Variants in KLHL36 observed in about 807,000 individuals in gnomAD.
The protein encoded by KLHL36 is kelch-like protein 36.
In KLHL36, 35 loss-of-function variants were observed where a neutral mutation model predicts 53.3. The ratio of observed to expected loss-of-function variants is 0.66; its 90% CI spans 0.50 to 0.87. The LOEUF (loss-of-function observed/expected upper bound fraction) is 0.87, where lower values mean the gene tolerates loss of function less well. KLHL36 is among the 40% of genes least tolerant of loss of function. The probability of loss-of-function intolerance (pLI) is 0.00; values close to 1 mark genes in which losing one functional copy is unlikely to be tolerated. For missense variants in KLHL36, 864 were observed against 897.6 expected (o/e 0.96, Z 0.48); for synonymous variants, 472 against 398.9 (o/e 1.18, Z -2.18).
chr16:84,655,260 G>C lies in KLHL36; in HGVS notation c.64-1611G>C, dbSNP rs574582645. Among the ~76,000 whole-genome samples, 3 of 152,332 alleles carry C rather than the reference G, an allele frequency of 2.0e-5. No individual in the cohort carries two copies. The East Asian group carries it at 5.8e-4, about 29-fold the overall frequency. On this transcript the variant is annotated intron_variant, in intron 2 of 4. Transcript: ENST00000564996. Reference sequence around the variant, plus strand: ...ATTGACTGGATGTGGAAATACCACAGGGAAATAAAGTGTCTCAATGACAAA... The same window carrying C: ...ATTGACTGGATGTGGAAATACCACACGGAAATAAAGTGTCTCAATGACAAA...
At position 84,657,248 on chromosome 16, in the gene KLHL36, C is replaced by G; in HGVS notation, c.441C>G (p.Asn147Lys). 1 of 1,614,202 alleles carries G rather than the reference C, an allele frequency of 6.2e-7. No individual in the cohort carries two copies. The highest frequency in any genetic ancestry group is 8.5e-7 in the Non-Finnish European group (1 of 1,180,044). ...TGGAGCAGGAGGTGAGCGAGGACAA[C>G]TACCTGTACCTGCAGGAGCTGGCCT... ...EYLEQEVSED[N>K]YLYLQELASI... The change falls in exon 3 of 5, where the codon AAC becomes AAG. Residue 147 changes from asparagine (N) to lysine (K), a missense_variant. Coordinates refer to ENST00000564996, the MANE Select transcript of KLHL36 (RefSeq NM_024731.4).
intron 2 of KLHL36, among the ~76,000 whole-genome samples, chr16:84,654,063 G>A (rs1328486127): frequency 6.6e-6 from 1 of 152,116 alleles, no homozygotes; most frequent in Non-Finnish European, 1.5e-5. Flanking sequence ...GTTCACTGGG[G>A]CTTTCCCCAG....
At chr16:84,652,551 G>T (rs923981736) in intron 2 of KLHL36, among the ~76,000 whole-genome samples, 2 of 152,128 alleles carry the variant, frequency 1.3e-5, no homozygotes, top group African/African-American at 4.8e-5. Context: ...TTACAGGCGC[G>T]AGCCACCATG....
rs766175860 is a variant in KLHL36, at chr16:84,656,886, G to A, written c.79G>A (p.Asp27Asn). Residue 27 changes from aspartate to asparagine, a missense_variant, in exon 3 of 5, where the codon GAC becomes AAC. Asp to Asn is a conservative substitution (Grantham distance 23). Transcript: ENST00000564996. ...CTCTGTCCAGGTATACCGCTGGGCC[G>A]ACCACTCAAGCACGGTGCTGCAGCG... Reference protein sequence around the residue: ...SESSKVYRWADHSSTVLQRLN... With the variant: ...SESSKVYRWANHSSTVLQRLN... The A allele has an allele frequency of 1.1e-5, 18 of 1,608,336 alleles. No homozygotes were observed. The highest frequency in any genetic ancestry group is 2.2e-5 in the East Asian group (1 of 44,774).
rs1232612976 is a variant in KLHL36 at position 84,650,840 on chromosome 16, T to C, written c.-16-12T>C. 2 of 1,601,656 alleles carry C rather than the reference T, an allele frequency of 1.2e-6. No homozygotes were observed. Among genetic ancestry groups the C allele is most frequent in the Non-Finnish European group, 8.5e-7 (1 of 1,170,440 alleles). ...TATGACTGCATGCTCAGAAATCCTG[T>C]TCTTCTCCTAGGGCTGAAATCTCTT... On this transcript the variant is annotated splice_polypyrimidine_tract_variant and intron_variant, in intron 1 of 4. Transcript: ENST00000564996.
In KLHL36 at chr16:84,654,759, C is replaced by CG. The variant is rs566744253; in HGVS notation, c.64-2111dup. Reference sequence around the variant, plus strand: ...CTGAGTAGCTAGGATGACAGGCGCCCGCCACCACAACCAGCTAATTTTGTA... The same window carrying CG: ...CTGAGTAGCTAGGATGACAGGCGCCCGGCCACCACAACCAGCTAATTTTGTA... On this transcript the variant is annotated intron_variant, in intron 2 of 4. Transcript: ENST00000564996. Among the ~76,000 whole-genome samples the CG allele has an allele frequency of 5.9e-4, 90 of 152,238 alleles. 2 individuals carry two copies. The East Asian group carries it at 0.013, about 22-fold the overall frequency.
At position 84,657,483 on chromosome 16, in the gene KLHL36, G is replaced by C. The variant is rs775688335; in HGVS notation, c.676G>C (p.Ala226Pro). ...GCTGACGCAGCAGCCCGAGCGCGAG[G>C]CCCACGCCCGCCAGGTGCTGGAGAA... The part of the protein sequence containing the change: ...QWLTQQPERE[A>P]HARQVLENIH... Residue 226 changes from alanine to proline, a missense_variant, in exon 3 of 5, where the codon GCC becomes CCC. Coordinates refer to ENST00000564996, the MANE Select transcript of KLHL36 (RefSeq NM_024731.4). The C allele has an allele frequency of 2.1e-5, 34 of 1,607,456 alleles. No individual in the cohort carries two copies. Among genetic ancestry groups the C allele is most frequent in the Non-Finnish European group, 2.7e-5 (32 of 1,179,848 alleles).
chr16:84,653,233 G>A (rs147672393), intron 2 of KLHL36, among the ~76,000 whole-genome samples: 135 of 151,960 alleles, frequency 8.9e-4, no homozygotes, highest in African/African-American at 2.9e-3. Flanking sequence ...AAAAAGTGTT[G>A]TTCCTTTTTG....
chr16:84,661,723 A>G lies in KLHL36; in HGVS notation c.1441A>G (p.Thr481Ala). 1 of 1,613,104 alleles carries G rather than the reference A, an allele frequency of 6.2e-7. No homozygotes were observed. Among genetic ancestry groups the G allele is most frequent in the Non-Finnish European group, 8.5e-7 (1 of 1,179,872 alleles). ...GTGGGAGGAGCGGCGGCCCATGACC[A>G]CGGCGCGCGGCTGGCACAGCATGTG... Reference protein sequence around the residue: ...DVWEERRPMTTARGWHSMCSL... With the variant: ...DVWEERRPMTAARGWHSMCSL... Residue 481 changes from threonine (T) to alanine (A), a missense_variant, in exon 5 of 5, where the codon ACG becomes GCG. Physicochemically the swap from Thr to Ala is moderately conservative, Grantham distance 58. Transcript: ENST00000564996. This position sits in a 1 kb window ranked among gnomAD's most constrained non-coding sequence, Gnocchi z 7.9.
In KLHL36 at chr16:84,659,846, C is replaced by A. The variant is rs755384030; in HGVS notation, c.1224C>A (p.Asn408Lys). The change falls in exon 4 of 5, where the codon AAC becomes AAA. Residue 408 changes from asparagine (N) to lysine (K), a missense_variant. Coordinates refer to ENST00000564996, the MANE Select transcript of KLHL36 (RefSeq NM_024731.4). ...MLVAIGGRNE[N>K]GALSSVETYS... ...TGGCCATCGGCGGCCGGAATGAGAA[C>A]GGAGCGCTCTCTTCAGTAGAGACGT... 1.6e-5 allele frequency: 26 copies of A among 1,614,110 alleles called. No individual in the cohort carries two copies. Among genetic ancestry groups the A allele is most frequent in the Non-Finnish European group, 2.2e-5 (26 of 1,180,006 alleles).
rs750194993 is a variant in KLHL36 at position 84,657,825 on chromosome 16, G to C, written c.1018G>C (p.Val340Leu). Residue 340 changes from valine to leucine, a missense_variant, in exon 3 of 5, where the codon GTC becomes CTC. Physicochemically the swap from Val to Leu is conservative, Grantham distance 32 (BLOSUM62 1). Coordinates refer to ENST00000564996, the MANE Select transcript of KLHL36 (RefSeq NM_024731.4). ...PLPARRSHHC[V>L]AVLGGFIFIA... Reference sequence around the variant, plus strand: ...GCCCGCCCGGCGGAGCCACCACTGTGTCGCGGTGCTGGGGGGCTTCATCTT... The same window carrying C: ...GCCCGCCCGGCGGAGCCACCACTGTCTCGCGGTGCTGGGGGGCTTCATCTT... 3.7e-6 allele frequency: 6 copies of C among 1,606,622 alleles called. No individual in the cohort carries two copies. The highest frequency in any genetic ancestry group is 1.7e-5 in the Admixed American group (1 of 59,702).
Position 84,666,961 on chromosome 16 carries a change from C to G in KLHL36, c.*4828C>G, listed in dbSNP as rs1597230420. 6.6e-6 allele frequency: 1 copy of G among 151,520 alleles called. No individual in the cohort carries two copies. Among genetic ancestry groups the G allele is most frequent in the African/African-American group, 2.4e-5 (1 of 41,122 alleles). The allele number at this position is 151,520 out of a possible 1,614,324, so 9.4% of individuals were successfully genotyped here. On this transcript the variant is annotated 3_prime_UTR_variant, in exon 5 of 5. Coordinates refer to ENST00000564996, the MANE Select transcript of KLHL36 (RefSeq NM_024731.4). ...CCTGTAATCTCAGCTCTTCCGGAGGCTGAGGCAGGAGAATCGCTTGAACCC... is the reference window on the plus strand; with the variant it reads ...CCTGTAATCTCAGCTCTTCCGGAGGGTGAGGCAGGAGAATCGCTTGAACCC...
Position 84,666,807 on chromosome 16 carries a change from G to GC in KLHL36, c.*4676dup, listed in dbSNP as rs1907859432. On this transcript the variant is annotated 3_prime_UTR_variant, in exon 5 of 5. Transcript: ENST00000564996. ...TTTGGGGCCGGGCGCAGTGGCTCAC[G>GC]CCTGTACTCCCAGCACTCTGGGAGG... 1 of 152,086 alleles carries GC rather than the reference G, an allele frequency of 6.6e-6. No individual in the cohort carries two copies. Among genetic ancestry groups the GC allele is most frequent in the Admixed American group, 6.6e-5 (1 of 15,256 alleles). The allele number at this position is 152,086 out of a possible 1,614,324, so 9.4% of individuals were successfully genotyped here. A position where few individuals can be genotyped will look rare whatever the true frequency, so the allele number is the denominator to read the frequency against.
rs1906827997 is a variant in KLHL36 at position 84,650,834 on chromosome 16, A to G, written c.-16-18A>G. 6.3e-7 allele frequency: 1 copy of G among 1,588,278 alleles called. No homozygotes were observed. Among genetic ancestry groups the G allele is most frequent in the East Asian group, 2.2e-5 (1 of 44,664 alleles). ...TAGAGTTATGACTGCATGCTCAGAA[A>G]TCCTGTTCTTCTCCTAGGGCTGAAA... is the stretch of plus-strand genomic sequence containing the variant. On this transcript the variant is annotated intron_variant, in intron 1 of 4. Coordinates refer to ENST00000564996, the MANE Select transcript of KLHL36 (RefSeq NM_024731.4).
In KLHL36 at chr16:84,661,704, G is replaced by A. The variant is rs1597224652; in HGVS notation, c.1422G>A (p.Glu474=). 2.5e-6 allele frequency: 4 copies of A among 1,613,662 alleles called. No homozygotes were observed. The East Asian group carries it at 8.9e-5, about 36-fold the overall frequency. Residue 474 remains glutamate (E), a synonymous_variant, in exon 5 of 5, where the codon GAG becomes GAA. Coordinates refer to ENST00000564996, the MANE Select transcript of KLHL36 (RefSeq NM_024731.4). This position sits in a 1 kb window ranked among gnomAD's most constrained non-coding sequence, Gnocchi z 7.9. ...LCYDHRTDVW[E]ERRPMTTARG... ...ACGACCACCGGACAGACGTGTGGGAGGAGCGGCGGCCCATGACCACGGCGC... is the reference window on the plus strand; with the variant it reads ...ACGACCACCGGACAGACGTGTGGGAAGAGCGGCGGCCCATGACCACGGCGC...
rs953271128 is a variant in KLHL36 at position 84,664,168 on chromosome 16, G to A, written c.*2035G>A. On this transcript the variant is annotated 3_prime_UTR_variant, in exon 5 of 5. Transcript: ENST00000564996. ...TTTGCAGAACTTCTGCCAACTTTGG[G>A]ATAGCTTACCCCCTTCCTATTCGGG... is the stretch of plus-strand genomic sequence containing the variant. The A allele has an allele frequency of 6.6e-6, 1 of 152,210 alleles. No individual in the cohort carries two copies. The highest frequency in any genetic ancestry group is 1.5e-5 in the Non-Finnish European group (1 of 68,054). The allele number at this position is 152,210 out of a possible 1,614,324, so 9.4% of individuals were successfully genotyped here.
chr16:84,654,755 C>G (rs538357902), intron 2 of KLHL36, among the ~76,000 whole-genome samples: 1 of 152,118 alleles, frequency 6.6e-6, no homozygotes, highest in South Asian at 2.1e-4. Flanking sequence ...GGATGACAGG[C>G]GCCCGCCACC....
Position 84,661,285 on chromosome 16 carries a change from G to A in KLHL36, c.1296-293G>A, listed in dbSNP as rs1907529521. Among the ~76,000 whole-genome samples, 2 of 152,232 alleles carry A rather than the reference G, an allele frequency of 1.3e-5. No individual in the cohort carries two copies. The highest frequency in any genetic ancestry group is 2.9e-5 in the Non-Finnish European group (2 of 68,048). The stretch of plus-strand genomic sequence containing the variant: ...GTCGTTTCCAGCCATTGTGAAAAGG[G>A]TGATGGTCCTGTGATTATTCCCATT... On this transcript the variant is annotated intron_variant, in intron 4 of 4. Transcript: ENST00000564996. This position sits in a 1 kb window ranked among gnomAD's most constrained non-coding sequence, Gnocchi z 7.9.
chr16:84,666,873 AC>A lies in KLHL36; in HGVS notation c.*4743del, dbSNP rs1567566243. The A allele has an allele frequency of 6.6e-6, 1 of 152,064 alleles. No individual in the cohort carries two copies. The highest frequency in any genetic ancestry group is 1.9e-4 in the East Asian group (1 of 5,182). 9.4% of individuals were successfully genotyped at this position (152,064 alleles called of 1,614,324 possible). On this transcript the variant is annotated 3_prime_UTR_variant, in exon 5 of 5. Transcript: ENST00000564996. Reference sequence around the variant, plus strand: ...CACCTGAGGTCAAGAGTTTGAGACCACCCTGACCAACATGGTGAAACCCCGT... The same window carrying A: ...CACCTGAGGTCAAGAGTTTGAGACCACCTGACCAACATGGTGAAACCCCGT...
Sources: allele counts gnomAD v4.1 joint callset (sites outside exome capture counted in the v4.1 genomes callset), GRCh38; gene constraint gnomAD v4.1.1; non-coding constraint Gnocchi (gnomAD v3.1); transcripts MANE v1.5; gene names NCBI Gene and HGNC (gene_info 2026-07-23, HGNC 2026-07-21).